CHM: variants seen among roughly 807,000 people sequenced by gnomAD.
CHM encodes rab proteins geranylgeranyltransferase component A 1.
Under a neutral mutation model 49.0 loss-of-function variants are expected in CHM, and 10 were observed. The ratio of observed to expected loss-of-function variants is 0.20; its 90% confidence interval spans 0.13 to 0.35. The LOEUF is 0.35. CHM is among the 10% of genes least tolerant of loss of function. The probability of loss-of-function intolerance (pLI) is 1.00; values close to 1 mark genes in which losing one functional copy is unlikely to be tolerated. For synonymous variants in CHM, 184 were observed against 167.5 expected (o/e 1.10, Z -0.76); for missense variants, 455 against 478.4 (o/e 0.95, Z 0.46).
chrX:86,010,304 G>A (rs1217257734), intron 2 of CHM, among the ~76,000 whole-genome samples: 1 of 102,664 alleles, frequency 9.7e-6, no homozygotes, highest in Non-Finnish European at 2.0e-5. Flanking sequence ...GTATACCTAT[G>A]TAACAAACCT....
intron 8 of CHM, among the ~76,000 whole-genome samples, chrX:85,941,034 A>G (rs749187550): frequency 9.8e-5 from 11 of 111,874 alleles, no homozygotes; most frequent in Admixed American, 6.7e-4. Flanking sequence ...TCTATGTCAT[A>G]TTCTTTTTCA....
chrX:85,923,151 T>C (rs771693417), intron 8 of CHM, among the ~76,000 whole-genome samples: 2 of 111,997 alleles, frequency 1.8e-5, no homozygotes, highest in Non-Finnish European at 3.8e-5. Flanking sequence ...CTTTCCCGAT[T>C]CCTCCCACTT....
intron 3 of CHM, 38 bp downstream of exon 3, chrX:85,981,699 A>G: frequency 9.8e-7 from 1 of 1,018,392 alleles, no homozygotes; most frequent in Non-Finnish European, 1.4e-6. Flanking sequence ...AACATACAAT[A>G]AAACAAAGCA....
chrX:85,921,334 G>A (rs1017040827), intron 8 of CHM, among the ~76,000 whole-genome samples: 2 of 111,423 alleles, frequency 1.8e-5, no homozygotes, highest in Non-Finnish European at 3.8e-5. Flanking sequence ...TGTCAGGTAG[G>A]CTCCATCTTT....
chrX:85,913,541 T>G (rs1325642273), intron 8 of CHM, among the ~76,000 whole-genome samples: 3 of 109,387 alleles, frequency 2.7e-5, no homozygotes, highest in Non-Finnish European at 3.8e-5. Flanking sequence ...TGCAGGCAGC[T>G]TCTATATGCT....
intron 9 of CHM, among the ~76,000 whole-genome samples, chrX:85,907,125 G>T (rs1156344424): frequency 9.0e-6 from 1 of 111,048 alleles, no homozygotes; most frequent in Non-Finnish European, 1.9e-5. Context: ...GCGAGACTCT[G>T]TCTCAAAAAT....
At chrX:85,867,677 T>G (rs999550681) in intron 14 of CHM, among the ~76,000 whole-genome samples, 54 of 111,968 alleles carry the variant, frequency 4.8e-4, no homozygotes, top group African/African-American at 1.6e-3. Flanking sequence ...AGCAGTTATG[T>G]GATTTGGGGA....
chrX:85,915,118 C>T (rs954172499), intron 8 of CHM, among the ~76,000 whole-genome samples: 5 of 111,710 alleles, frequency 4.5e-5, no homozygotes, highest in Non-Finnish European at 7.5e-5. Flanking sequence ...AAAGAACCAC[C>T]GTAAGAATTC....
Position 85,963,940 on chromosome X carries a change from C to T in CHM, c.427G>A (p.Asp143Asn). ...AADSAFLPTE[D>N]ESLSTMSCEM... ...CAGCTCATAGTGCTTAATGACTCAT[C>T]CTCCGTAGGCAGGAAGGCAGAATCT... is the stretch of plus-strand genomic sequence containing the variant. Residue 143 changes from aspartate (D) to asparagine (N), a missense_variant, in exon 5 of 15, where the codon GAT becomes AAT. Transcript: ENST00000357749. 2 of 1,210,869 alleles carry T rather than the reference C, an allele frequency of 1.7e-6. No individual in the cohort carries two copies. The highest frequency in any genetic ancestry group is 2.2e-6 in the Non-Finnish European group (2 of 895,285).
At chrX:85,921,320 G>C (rs780153204) in intron 8 of CHM, among the ~76,000 whole-genome samples, 1 of 111,468 alleles carries the variant, frequency 9.0e-6, no homozygotes, top group Non-Finnish European at 1.9e-5. Context: ...AAACATCTCT[G>C]AGATGTCAGG....
rs1209857010 is a variant in CHM at position 85,897,221 on chromosome X, TGA to T, written c.1414-2939_1414-2938del. On this transcript the variant is annotated intron_variant, in intron 11 of 14. Transcript: ENST00000357749. ...TAAAGTATATATATACCAGCATATA[TGA>T]AAGTATATACTAGCATATATGAAAT... Among the ~76,000 whole-genome samples, 344 of 99,204 alleles carry T rather than the reference TGA, an allele frequency of 3.5e-3. 2 individuals are homozygous for T. In the East Asian group the frequency reaches 0.052, roughly 15 times the overall value. The allele number at this position is 99,204 out of a possible 115,157, so 86.1% of individuals were successfully genotyped here.
chrX:86,040,943 T>A (rs775516987), intron 1 of CHM, among the ~76,000 whole-genome samples: 1 of 112,365 alleles, frequency 8.9e-6, no homozygotes, highest in South Asian at 3.6e-4. Context: ...TATATTTATA[T>A]ACAGAACAGG....
At chrX:86,016,642 T>G (rs1933316841) in intron 2 of CHM, among the ~76,000 whole-genome samples, 2 of 112,410 alleles carry the variant, frequency 1.8e-5, no homozygotes, top group Non-Finnish European at 3.8e-5. Context: ...AGAGGATGTA[T>G]GGAAATGCCG....
chrX:86,024,090 T>G (rs1310360369), intron 2 of CHM, among the ~76,000 whole-genome samples: 1 of 111,987 alleles, frequency 8.9e-6, no homozygotes, highest in Non-Finnish European at 1.9e-5. Flanking sequence ...GGAGGTGGTA[T>G]GTAAGCTAAA....
chrX:85,970,596 G>T, intron 4 of CHM: 1 of 215,146 alleles, frequency 4.6e-6, no homozygotes, highest in Non-Finnish European at 6.8e-6. Flanking sequence ...TTGTCAGTAA[G>T]ATGTACCTAT....
chrX:85,893,152 T>C lies in CHM; in HGVS notation c.1510+1036A>G, dbSNP rs1215059037. Among the ~76,000 whole-genome samples, 6 of 111,780 alleles carry C rather than the reference T, an allele frequency of 5.4e-5. 1 individual carries two copies. The Admixed American group carries it at 5.7e-4, about 11-fold the overall frequency. On this transcript the variant is annotated intron_variant, in intron 12 of 14. Coordinates refer to ENST00000357749, the MANE Select transcript of CHM (RefSeq NM_000390.4). The stretch of plus-strand genomic sequence containing the variant: ...TTGGTTAATAAATAGTCTTGTTCCA[T>C]TAGGTGAGCAGTAAGATTATGAGCA...
At chrX:85,998,728 C>T (rs762146776) in intron 2 of CHM, among the ~76,000 whole-genome samples, 33 of 110,463 alleles carry the variant, frequency 3.0e-4, no homozygotes, top group Non-Finnish European at 5.7e-4. Context: ...TACTGTTTGC[C>T]CAAGATCAAA....
intron 14 of CHM, among the ~76,000 whole-genome samples, chrX:85,866,267 G>T (rs1195805461): frequency 8.9e-6 from 1 of 112,626 alleles, no homozygotes; most frequent in African/African-American, 3.2e-5. Flanking sequence ...ATGGCTAAAA[G>T]GAATAAAGGT....
At chrX:85,959,429 G>C (rs757741258) in intron 5 of CHM, among the ~76,000 whole-genome samples, 20 of 110,249 alleles carry the variant, frequency 1.8e-4, no homozygotes, top group Non-Finnish European at 3.8e-4. Flanking sequence ...GAGGGTTTTG[G>C]ATAAGAATCT....
Sources: allele counts gnomAD v4.1 joint callset (sites outside exome capture counted in the v4.1 genomes callset), GRCh38; gene constraint gnomAD v4.1.1; transcripts MANE v1.5; gene names NCBI Gene and HGNC (gene_info 2026-07-23, HGNC 2026-07-21).